CFTR: variants seen among roughly 807,000 people sequenced by gnomAD.
The protein encoded by CFTR is cystic fibrosis transmembrane conductance regulator.
Under a neutral mutation model 171.6 loss-of-function variants are expected in CFTR, and 181 were observed. That is an observed-to-expected ratio of 1.05 (90% confidence interval 0.93 to 1.19). CFTR has a LOEUF of 1.19. CFTR is among the 50% of genes most tolerant of loss of function. The pLI is 0.00. For synonymous variants in CFTR, 583 were observed against 608.0 expected (o/e 0.96, Z 0.60); for missense variants, 1,968 against 1,734.7 (o/e 1.13, Z -2.39).
chr7:117,548,333 G>GGTGTGTGTGTGTGT (rs3034794), intron 9 of CFTR, among the ~76,000 whole-genome samples: 10,377 of 143,956 alleles, frequency 0.072, 378 homozygotes, highest in Middle Eastern at 0.1. Flanking sequence ...AGGAGAAGAG[G>GGTGTGTGTGTGTGT]GTGTGTGTGT....
intron 9 of CFTR, among the ~76,000 whole-genome samples, chr7:117,546,877 A>G (rs550076852): frequency 2.6e-5 from 4 of 152,254 alleles, no homozygotes; most frequent in Non-Finnish European, 5.9e-5. Context: ...TCCTACTTAC[A>G]TCCTTCATAG....
chr7:117,488,449 A>T (rs193076213), intron 1 of CFTR, among the ~76,000 whole-genome samples: 43 of 152,232 alleles, frequency 2.8e-4, no homozygotes, highest in African/African-American at 9.9e-4. Context: ...TGGTAGCTTA[A>T]CAGTTATTAG....
chr7:117,523,432 A>G (rs1001934056), intron 3 of CFTR, among the ~76,000 whole-genome samples: 1 of 150,570 alleles, frequency 6.6e-6, no homozygotes, highest in Non-Finnish European at 1.5e-5. Flanking sequence ...GCTGAAGTGC[A>G]GTGGCGCGAT....
chr7:117,621,997 A>G (rs1224869617), intron 21 of CFTR, among the ~76,000 whole-genome samples: 1 of 152,166 alleles, frequency 6.6e-6, no homozygotes, highest in East Asian at 1.9e-4. Flanking sequence ...GTCATGTTGC[A>G]AATAGATTTT....
intron 1 of CFTR, among the ~76,000 whole-genome samples, chr7:117,495,026 A>G (rs982408621): frequency 2.6e-5 from 4 of 152,160 alleles, no homozygotes; most frequent in East Asian, 1.9e-4. Context: ...CATTTCTACT[A>G]TAAAATCTTA....
In CFTR at chr7:117,570,208, C is replaced by A. The variant is rs1042810781; in HGVS notation, c.1584+10553C>A. The stretch of plus-strand genomic sequence containing the variant: ...TCTCCTTACTTAAAAAAAAAAAAAA[C>A]AAACAAAAAAACAAAAAACCCGAAA... On this transcript the variant is annotated intron_variant, in intron 11 of 26. Coordinates refer to ENST00000003084, the MANE Select transcript of CFTR (RefSeq NM_000492.4). Among the ~76,000 whole-genome samples, 229 of 145,448 alleles carry A rather than the reference C, an allele frequency of 1.6e-3. 1 individual carries two copies. Among genetic ancestry groups the A allele is most frequent in the African/African-American group, 4.9e-3 (195 of 39,628 alleles).
intron 15 of CFTR, among the ~76,000 whole-genome samples, chr7:117,600,523 A>G (rs571709236): frequency 4.6e-5 from 7 of 152,094 alleles, no homozygotes; most frequent in African/African-American, 1.7e-4. Context: ...CTGTTTGTTG[A>G]TTAGAAATCC....
chr7:117,659,497 T>G (rs1479517430), intron 24 of CFTR, among the ~76,000 whole-genome samples: 6 of 152,198 alleles, frequency 3.9e-5, no homozygotes, highest in Non-Finnish European at 8.8e-5. Context: ...AATAGCCTTG[T>G]GATTGATACA....
chr7:117,587,139 G>A (rs1006480280), intron 11 of CFTR, among the ~76,000 whole-genome samples: 6 of 152,166 alleles, frequency 3.9e-5, no homozygotes, highest in Admixed American at 1.3e-4. Context: ...AGGAGGGGCA[G>A]AATGAATGGA....
intron 24 of CFTR, among the ~76,000 whole-genome samples, chr7:117,653,238 G>A (rs905126452): frequency 3.9e-4 from 60 of 152,270 alleles, no homozygotes; most frequent in Middle Eastern, 3.4e-3. Context: ...TACCTGGCGC[G>A]ACAAGTACTT....
intron 3 of CFTR, among the ~76,000 whole-genome samples, chr7:117,524,878 T>C (rs1798749637): frequency 6.6e-6 from 1 of 152,214 alleles, no homozygotes; most frequent in African/African-American, 2.4e-5. Context: ...GTGTTAAGTT[T>C]TTAAAAAGTT....
At chr7:117,580,162 AAAG>A (rs1359445975) in intron 11 of CFTR, among the ~76,000 whole-genome samples, 2 of 152,108 alleles carry the variant, frequency 1.3e-5, no homozygotes, top group African/African-American at 4.8e-5. Context: ...GAAAAAGAGA[AAAG>A]AAAAAATGTT....
At chr7:117,656,771 C>CT (rs1477132409) in intron 24 of CFTR, among the ~76,000 whole-genome samples, 1 of 152,166 alleles carries the variant, frequency 6.6e-6, no homozygotes, top group African/African-American at 2.4e-5. Context: ...CAAAGGTCTT[C>CT]TTAGAGAACA....
intron 20 of CFTR, among the ~76,000 whole-genome samples, chr7:117,612,560 T>G (rs561772655): frequency 6.6e-6 from 1 of 152,248 alleles, no homozygotes; most frequent in Non-Finnish European, 1.5e-5. Context: ...TGATAAGTGT[T>G]GAAATAACTT....
chr7:117,568,499 T>A (rs1039725574), intron 11 of CFTR, among the ~76,000 whole-genome samples: 1 of 152,184 alleles, frequency 6.6e-6, no homozygotes, highest in African/African-American at 2.4e-5. Context: ...GAAGATTGAA[T>A]GGATGGACTT....
chr7:117,548,944 T>C, intron 10 of CFTR, 121 bp downstream of exon 10: 1 of 1,387,602 alleles, frequency 7.2e-7, no homozygotes, highest in Non-Finnish European at 9.9e-7. Flanking sequence ...TAGGAGAATG[T>C]ATGGGTGTAG....
intron 1 of CFTR, among the ~76,000 whole-genome samples, chr7:117,498,437 G>C (rs545570611): frequency 2.0e-5 from 3 of 152,222 alleles, no homozygotes; most frequent in African/African-American, 7.2e-5. Flanking sequence ...GGGGAAATTA[G>C]TAACTTGACC....
intron 3 of CFTR, among the ~76,000 whole-genome samples, chr7:117,520,227 C>T (rs1798664512): frequency 6.9e-6 from 1 of 145,752 alleles, no homozygotes; most frequent in African/African-American, 2.5e-5. Context: ...AATATTTTCC[C>T]TAGCCTGTCA....
intron 1 of CFTR, among the ~76,000 whole-genome samples, chr7:117,493,969 G>C (rs1027331020): frequency 6.6e-6 from 1 of 152,006 alleles, no homozygotes; most frequent in Admixed American, 6.6e-5. Context: ...TGAAGGTGAA[G>C]GGAAGATTAA....
Sources: gnomAD v4.1 joint callset for allele counts (sites outside exome capture counted in the v4.1 genomes callset) on GRCh38, gnomAD v4.1.1 for gene constraint, MANE v1.5 for transcripts, NCBI Gene and HGNC (gene_info 2026-07-23, HGNC 2026-07-21) for gene names.